The following RSPO3 variants were observed in gnomAD, a reference collection of about 807,000 sequenced individuals.
RSPO3 encodes R-spondin 3, also known as R-spondin-3.
In RSPO3, 17 loss-of-function variants were observed where a neutral mutation model predicts 36.5. That is an observed-to-expected ratio of 0.47 (90% confidence interval 0.32 to 0.70). The LOEUF (loss-of-function observed/expected upper bound fraction) is 0.70. RSPO3 is among the 30% of genes least tolerant of loss of function. RSPO3 has a pLI of 0.04. For synonymous variants in RSPO3, 108 were observed against 107.0 expected (o/e 1.01, Z -0.06); for missense variants, 294 against 322.5 (o/e 0.91, Z 0.68).
intron 4 of RSPO3, among the ~76,000 whole-genome samples, chr6:127,171,296 T>C (rs1388335168): frequency 6.6e-6 from 1 of 151,734 alleles, no homozygotes; most frequent in African/African-American, 2.4e-5. Context: ...AATATATCAG[T>C]GTGCTCCCCA....
intron 4 of RSPO3, among the ~76,000 whole-genome samples, chr6:127,171,035 T>C (rs573251871): frequency 1.3e-5 from 2 of 151,834 alleles, no homozygotes; most frequent in South Asian, 4.1e-4. Context: ...TAGTTATGTG[T>C]TTTTTACCCC....
In RSPO3 at chr6:127,197,322, T is replaced by A; in HGVS notation, c.*1315T>A. Reference sequence around the variant, plus strand: ...CCCTAGCTGATTTCACTGCTCCCCCTTCATTGCTTAGAAATGGGCATCATT... The same window carrying A: ...CCCTAGCTGATTTCACTGCTCCCCCATCATTGCTTAGAAATGGGCATCATT... On this transcript the variant is annotated 3_prime_UTR_variant, in exon 5 of 5. Coordinates refer to ENST00000356698, the MANE Select transcript of RSPO3 (RefSeq NM_032784.5). 2.1e-6 allele frequency: 3 copies of A among 1,447,578 alleles called. No homozygotes were observed. The highest frequency in any genetic ancestry group is 3.5e-4 in the Middle Eastern group (2 of 5,636). 89.7% of individuals were successfully genotyped at this position (1,447,578 alleles called of 1,614,324 possible).
At chr6:127,162,689 C>T (rs1037020285) in intron 4 of RSPO3, among the ~76,000 whole-genome samples, 2 of 152,080 alleles carry the variant, frequency 1.3e-5, no homozygotes, top group Admixed American at 6.6e-5. Context: ...TCTTATATTC[C>T]GAATGGTTTA....
chr6:127,119,069 G>A lies in RSPO3; in HGVS notation c.-124G>A, dbSNP rs1773779065. 1 of 680,850 alleles carries A rather than the reference G, an allele frequency of 1.5e-6. No individual in the cohort carries two copies. The highest frequency in any genetic ancestry group is 2.4e-6 in the Non-Finnish European group (1 of 408,846). The allele number at this position is 680,850 out of a possible 1,614,324, so 42.2% of individuals were successfully genotyped here. A position where few individuals can be genotyped will look rare whatever the true frequency, so the allele number is the denominator to read the frequency against. On this transcript the variant is annotated 5_prime_UTR_variant, in exon 1 of 5. Transcript: ENST00000356698. ...ACAGCACGCCTATCGGATGTGAGAG[G>A]AGAAGTCCCGCTGCTCGGGCACTGT...
chr6:127,185,508 G>A (rs189165962), intron 4 of RSPO3, among the ~76,000 whole-genome samples: 12 of 152,198 alleles, frequency 7.9e-5, no homozygotes, highest in Non-Finnish European at 1.8e-4. Context: ...CGTATTTGAA[G>A]ATGCATGAAA....
At chr6:127,167,524 G>A (rs1562249493) in intron 4 of RSPO3, among the ~76,000 whole-genome samples, 1 of 150,916 alleles carries the variant, frequency 6.6e-6, no homozygotes, top group Non-Finnish European at 1.5e-5. Context: ...GTCTATCATT[G>A]ATCACCATTT....
chr6:127,122,393 C>G (rs1446498547), intron 1 of RSPO3, among the ~76,000 whole-genome samples: 1 of 151,400 alleles, frequency 6.6e-6, no homozygotes, highest in Admixed American at 6.6e-5. Flanking sequence ...TTAAGAAGCA[C>G]TTTTTTTTTG....
At chr6:127,152,011 T>C (rs1345166290) in intron 3 of RSPO3, among the ~76,000 whole-genome samples, 1 of 152,110 alleles carries the variant, frequency 6.6e-6, no homozygotes, top group East Asian at 1.9e-4. Flanking sequence ...TTTTTTCAGT[T>C]GTTGAAGGTG....
At chr6:127,177,466 G>C (rs1775078481) in intron 4 of RSPO3, among the ~76,000 whole-genome samples, 1 of 151,810 alleles carries the variant, frequency 6.6e-6, no homozygotes, top group South Asian at 2.1e-4. Context: ...GTATTGCCCT[G>C]TTGGGAAGAC....
At position 127,198,250 on chromosome 6, in the gene RSPO3, A is replaced by G. The variant is rs942041117; in HGVS notation, c.*2243A>G. The stretch of plus-strand genomic sequence containing the variant: ...ATCCTTGATGCTAAACTTATATAAA[A>G]GTAGAATTATTACAAAGGAAAAAGA... On this transcript the variant is annotated 3_prime_UTR_variant, in exon 5 of 5. Transcript: ENST00000356698. 2.2e-4 allele frequency among the ~76,000 whole-genome samples: 34 copies of G among 152,242 alleles called. No individual in the cohort carries two copies. The highest frequency in any genetic ancestry group is 8.8e-5 in the Non-Finnish European group (6 of 68,042).
chr6:127,142,184 T>G, intron 1 of RSPO3, among the ~76,000 whole-genome samples: 1 of 152,156 alleles, frequency 6.6e-6, no homozygotes, highest in East Asian at 1.9e-4. Context: ...TGTATCCAAA[T>G]AAGTAATTAT....
At position 127,145,004 on chromosome 6, in the gene RSPO3, C is replaced by T. The variant is rs563287492; in HGVS notation, c.98-3644C>T. 4.6e-5 allele frequency among the ~76,000 whole-genome samples: 7 copies of T among 152,204 alleles called. No individual in the cohort carries two copies. In the South Asian group the frequency reaches 1.5e-3, roughly 32 times the overall value. Reference sequence around the variant, plus strand: ...TCTCCAACAGCCACTCCAAAGTAAGCTCCATCTATTAAGCATCACTCTCTG... The same window carrying T: ...TCTCCAACAGCCACTCCAAAGTAAGTTCCATCTATTAAGCATCACTCTCTG... On this transcript the variant is annotated intron_variant, in intron 1 of 4. Coordinates refer to ENST00000356698, the MANE Select transcript of RSPO3 (RefSeq NM_032784.5).
chr6:127,151,169 T>C (rs1192474588), intron 3 of RSPO3, among the ~76,000 whole-genome samples: 6 of 151,936 alleles, frequency 3.9e-5, no homozygotes, highest in Non-Finnish European at 8.8e-5. Flanking sequence ...TATGCTGAAG[T>C]ATTCTGCTTG....
Position 127,119,187 on chromosome 6 carries a change from G to T in RSPO3, c.-6G>T, listed in dbSNP as rs1213482069. On this transcript the variant is annotated 5_prime_UTR_variant, in exon 1 of 5. Coordinates refer to ENST00000356698, the MANE Select transcript of RSPO3 (RefSeq NM_032784.5). ...GAGAAAGGAAGGGAAGCATTACTGG[G>T]TTACTATGCACTTGCGACTGATTTC... is the stretch of plus-strand genomic sequence containing the variant. The T allele has an allele frequency of 6.3e-7, 1 of 1,599,656 alleles. No individual in the cohort carries two copies. Among genetic ancestry groups the T allele is most frequent in the South Asian group, 1.1e-5 (1 of 90,608 alleles).
chr6:127,174,672 G>C (rs1181086848), intron 4 of RSPO3, among the ~76,000 whole-genome samples: 9 of 151,766 alleles, frequency 5.9e-5, no homozygotes, highest in Admixed American at 6.6e-5. Flanking sequence ...AGATTTAAGT[G>C]TATGTGTGCT....
At chr6:127,129,273 G>C (rs959338157) in intron 1 of RSPO3, among the ~76,000 whole-genome samples, 3 of 152,090 alleles carry the variant, frequency 2.0e-5, no homozygotes, top group East Asian at 1.9e-4. Flanking sequence ...TCTTCTTTGG[G>C]TAGTTATCTC....
intron 1 of RSPO3, among the ~76,000 whole-genome samples, chr6:127,128,943 T>A (rs1166540128): frequency 6.6e-6 from 1 of 152,076 alleles, no homozygotes; most frequent in Non-Finnish European, 1.5e-5. Flanking sequence ...TTTTAGAAGA[T>A]GGGTATCAGC....
At chr6:127,188,202 T>C (rs1034293017) in intron 4 of RSPO3, among the ~76,000 whole-genome samples, 5 of 152,190 alleles carry the variant, frequency 3.3e-5, no homozygotes, top group African/African-American at 1.2e-4. Context: ...CTTTAGTGGA[T>C]AATAAAATTA....
rs140441066 is a variant in RSPO3 at position 127,126,574 on chromosome 6, G to A, written c.97+7285G>A. ...ATTGCACTTAGAAGTCTTCTTACCT[G>A]TGGAACTTTGCCACAGATCATAAGG... On this transcript the variant is annotated intron_variant, in intron 1 of 4. Coordinates refer to ENST00000356698, the MANE Select transcript of RSPO3 (RefSeq NM_032784.5). Among the ~76,000 whole-genome samples, 5 of 152,156 alleles carry A rather than the reference G, an allele frequency of 3.3e-5. No homozygotes were observed. The East Asian group carries it at 9.6e-4, about 29-fold the overall frequency.
Sources: gnomAD v4.1 joint callset for allele counts (sites outside exome capture counted in the v4.1 genomes callset) on GRCh38, gnomAD v4.1.1 for gene constraint, MANE v1.5 for transcripts, NCBI Gene and HGNC (gene_info 2026-07-23, HGNC 2026-07-21) for gene names.